Variants in CDH12 observed in about 807,000 individuals in gnomAD.
CDH12 encodes the protein cadherin-12.
In CDH12, 41 loss-of-function variants were observed where a neutral mutation model predicts 74.1. That is an observed-to-expected ratio of 0.55 (90% confidence interval 0.43 to 0.72). The LOEUF (loss-of-function observed/expected upper bound fraction) is 0.72, where lower values mean the gene tolerates loss of function less well. Ranked by LOEUF, CDH12 falls within the 30% of genes least tolerant of loss-of-function variation. The probability of loss-of-function intolerance (pLI) is 0.00; values close to 1 mark genes in which losing one functional copy is unlikely to be tolerated. For synonymous variants in CDH12, 399 were observed against 355.0 expected (o/e 1.12, Z -1.39); for missense variants, 945 against 977.2 (o/e 0.97, Z 0.44).
intron 1 of CDH12, among the ~76,000 whole-genome samples, chr5:22,588,751 C>G (rs1740536594): frequency 6.6e-6 from 1 of 152,184 alleles, no homozygotes; most frequent in African/African-American, 2.4e-5. Context: ...TACTCACACT[C>G]TCTGTCTTCT....
Position 22,585,488 on chromosome 5 carries a change from G to A in CDH12, c.-522-80124C>T, listed in dbSNP as rs145217786. On this transcript the variant is annotated intron_variant, in intron 1 of 14. Transcript: ENST00000382254. Reference sequence around the variant, plus strand: ...TAATGATATTGTAAACACTGCCTGTGCCTTATTCTTCCCTCCTCTTATCTT... The same window carrying A: ...TAATGATATTGTAAACACTGCCTGTACCTTATTCTTCCCTCCTCTTATCTT... Among the ~76,000 whole-genome samples, 687 of 152,162 alleles carry A rather than the reference G, an allele frequency of 4.5e-3. 4 individuals carry two copies. Among genetic ancestry groups the A allele is most frequent in the Middle Eastern group, 0.01 (3 of 294 alleles).
At chr5:21,897,436 A>G (rs1235991391) in intron 6 of CDH12, among the ~76,000 whole-genome samples, 1 of 152,196 alleles carries the variant, frequency 6.6e-6, no homozygotes, top group African/African-American at 2.4e-5. Flanking sequence ...AAAGCCTCAA[A>G]TGTCTGTTAC....
chr5:22,396,296 C>T (rs1330197263), intron 3 of CDH12, among the ~76,000 whole-genome samples: 1 of 152,042 alleles, frequency 6.6e-6, no homozygotes, highest in African/African-American at 2.4e-5. Flanking sequence ...GCACTGAGGA[C>T]TATAAAAATC....
chr5:21,819,137 A>T (rs372268126), intron 8 of CDH12, among the ~76,000 whole-genome samples: 6 of 152,106 alleles, frequency 3.9e-5, no homozygotes, highest in Non-Finnish European at 1.5e-5. Flanking sequence ...TTCAGGAGGA[A>T]TCTATCTGAT....
intron 4 of CDH12, among the ~76,000 whole-genome samples, chr5:22,164,796 G>A (rs1471172044): frequency 7.0e-6 from 1 of 143,654 alleles, no homozygotes; most frequent in Non-Finnish European, 1.5e-5. Flanking sequence ...CAAGCCCCGT[G>A]TTTAAAGGTG....
chr5:22,242,762 T>C (rs542508077), intron 3 of CDH12, among the ~76,000 whole-genome samples: 1 of 152,326 alleles, frequency 6.6e-6, no homozygotes, highest in East Asian at 1.9e-4. Context: ...AGTACTAGCC[T>C]TAAGCTATTG....
intron 4 of CDH12, among the ~76,000 whole-genome samples, chr5:22,203,329 A>G (rs1393862613): frequency 6.6e-6 from 1 of 152,082 alleles, no homozygotes; most frequent in Admixed American, 6.5e-5. Context: ...ACCGCATTTG[A>G]GTGCAATCAT....
chr5:22,563,766 C>T (rs1033357694), intron 1 of CDH12, among the ~76,000 whole-genome samples: 22 of 152,074 alleles, frequency 1.4e-4, no homozygotes, highest in Non-Finnish European at 2.2e-4. Flanking sequence ...TGGGGAGGCC[C>T]CACGATCATG....
At chr5:22,313,532 T>A (rs1193996189) in intron 3 of CDH12, among the ~76,000 whole-genome samples, 1 of 152,220 alleles carries the variant, frequency 6.6e-6, no homozygotes, top group East Asian at 1.9e-4. Flanking sequence ...TTGTGAAAGC[T>A]CTTAGCTTAA....
At chr5:22,236,918 T>C (rs1223566976) in intron 3 of CDH12, among the ~76,000 whole-genome samples, 5 of 151,962 alleles carry the variant, frequency 3.3e-5, no homozygotes, top group Non-Finnish European at 7.4e-5. Context: ...AACCTTCTTC[T>C]GGAATACCTC....
At chr5:22,091,764 A>T (rs536611891) in intron 4 of CDH12, among the ~76,000 whole-genome samples, 1 of 152,104 alleles carries the variant, frequency 6.6e-6, no homozygotes, top group Non-Finnish European at 1.5e-5. Context: ...TATACAAAAA[A>T]GTAAATAATT....
chr5:22,190,422 T>C (rs1580379188), intron 4 of CDH12, among the ~76,000 whole-genome samples: 2 of 152,078 alleles, frequency 1.3e-5, no homozygotes, highest in African/African-American at 4.8e-5. Context: ...CATCTTTTTT[T>C]CCCAAAGACT....
chr5:22,610,451 T>C (rs990742844), intron 1 of CDH12, among the ~76,000 whole-genome samples: 1 of 152,176 alleles, frequency 6.6e-6, no homozygotes, highest in African/African-American at 2.4e-5. Context: ...ATGTATTAGA[T>C]TCTGCAGATG....
intron 1 of CDH12, among the ~76,000 whole-genome samples, chr5:22,735,677 G>T (rs1023386790): frequency 9.2e-5 from 14 of 151,802 alleles, no homozygotes; most frequent in African/African-American, 3.4e-4. Context: ...ACTTCTAAAT[G>T]AATTGGAATT....
intron 6 of CDH12, among the ~76,000 whole-genome samples, chr5:21,961,382 T>A (rs1343140868): frequency 2.0e-5 from 3 of 152,106 alleles, no homozygotes; most frequent in Non-Finnish European, 4.4e-5. Context: ...TTTATGACTC[T>A]GTCTCAAAAA....
At chr5:22,331,987 A>C (rs1464877744) in intron 3 of CDH12, among the ~76,000 whole-genome samples, 1 of 152,196 alleles carries the variant, frequency 6.6e-6, no homozygotes, top group East Asian at 1.9e-4. Context: ...AAAGAATAAA[A>C]AAATGAAGCT....
At chr5:22,807,139 T>C (rs372607611) in intron 1 of CDH12, among the ~76,000 whole-genome samples, 2 of 152,150 alleles carry the variant, frequency 1.3e-5, no homozygotes, top group South Asian at 4.1e-4. Flanking sequence ...CTAAAGTAGA[T>C]TTTGACTGAA....
At chr5:22,097,572 T>TC (rs778002203) in intron 4 of CDH12, among the ~76,000 whole-genome samples, 4 of 152,042 alleles carry the variant, frequency 2.6e-5, no homozygotes, top group Non-Finnish European at 5.9e-5. Flanking sequence ...TTTTTAGTTA[T>TC]CCCCACCTGC....
At chr5:22,149,975 C>T (rs1481928708) in intron 4 of CDH12, among the ~76,000 whole-genome samples, 3 of 152,042 alleles carry the variant, frequency 2.0e-5, no homozygotes, top group Non-Finnish European at 4.4e-5. Flanking sequence ...GCCTGGGTGA[C>T]AGAGCAAGTT....
Sources: gnomAD v4.1 joint callset for allele counts (sites outside exome capture counted in the v4.1 genomes callset) on GRCh38, gnomAD v4.1.1 for gene constraint, MANE v1.5 for transcripts, NCBI Gene and HGNC (gene_info 2026-07-23, HGNC 2026-07-21) for gene names.